The following SLC38A6 variants were observed in gnomAD, a reference collection of about 807,000 sequenced individuals.
SLC38A6 encodes N system amino acid transporter NAT-1.
A neutral mutation model predicts 65.0 loss-of-function variants in SLC38A6; 73 were observed. The observed-to-expected ratio is 1.12, with a 90% CI of 0.93 to 1.37. The LOEUF is 1.37. Among genes scored for constraint, SLC38A6 ranks in the 40% most tolerant of loss-of-function variants. The pLI, the probability that SLC38A6 is intolerant of heterozygous loss-of-function variation, is 0.00. For missense variants in SLC38A6, 561 were observed against 531.1 expected (o/e 1.06, Z -0.55); for synonymous variants, 183 against 178.8 (o/e 1.02, Z -0.19).
rs1376966931 is a variant in SLC38A6, at chr14:61,029,921, CA to C, written c.404-523del. ...CCTATAATTATATGTGTTCATAATG[CA>C]GGGGTGGGTAGTAGAGAGAGGAAAA... On this transcript the variant is annotated intron_variant, in intron 5 of 15. Transcript: ENST00000267488. 2.6e-5 allele frequency among the ~76,000 whole-genome samples: 4 copies of C among 151,936 alleles called. No individual in the cohort carries two copies. In the East Asian group the frequency reaches 5.8e-4, roughly 22 times the overall value.
chr14:61,002,157 C>T (rs2038754806), intron 3 of SLC38A6: 1 of 152,146 alleles, frequency 6.6e-6, no homozygotes, highest in African/African-American at 2.4e-5. Flanking sequence ...ATCCTCTGTG[C>T]CATGAGAAAG....
intron 12 of SLC38A6, 149 bp from the exon 13 acceptor site, chr14:61,050,363 G>A: frequency 2.3e-6 from 1 of 431,612 alleles, no homozygotes; most frequent in Non-Finnish European, 3.9e-6. Context: ...TTTAATTAAT[G>A]TCTCTGTGTT....
rs968742030 is a variant in SLC38A6, at chr14:61,081,698, C to G, written c.1409-1857C>G. On this transcript the variant is annotated intron_variant, in intron 16 of 16. Coordinates refer to the SLC38A6 transcript ENST00000354886. ...GACTCTGTCTCAAAAAAAAATTTCTCTCCTGAATCCCTAAGTACTTTTGTT... is the reference window on the plus strand; with the variant it reads ...GACTCTGTCTCAAAAAAAAATTTCTGTCCTGAATCCCTAAGTACTTTTGTT... Among the ~76,000 whole-genome samples, 5 of 152,118 alleles carry G rather than the reference C, an allele frequency of 3.3e-5. 1 individual carries two copies. The highest frequency in any genetic ancestry group is 5.9e-5 in the Non-Finnish European group (4 of 68,016).
intron 3 of SLC38A6, among the ~76,000 whole-genome samples, chr14:60,990,273 C>T (rs2037764525): frequency 6.6e-6 from 1 of 152,162 alleles, no homozygotes; most frequent in African/African-American, 2.4e-5. Flanking sequence ...TCAAGTGATC[C>T]ACCCACCTTG....
At chr14:61,006,481 G>A (rs934893828) in intron 3 of SLC38A6, among the ~76,000 whole-genome samples, 77 of 151,870 alleles carry the variant, frequency 5.1e-4, no homozygotes, top group Admixed American at 1.6e-3. Context: ...CAAATTTACA[G>A]GAAAAAAACA....
At chr14:61,051,708 T>G (rs2042515228) in intron 13 of SLC38A6, 79 bp from the exon 14 acceptor site, 10 of 1,513,660 alleles carry the variant, frequency 6.6e-6, no homozygotes, top group Non-Finnish European at 8.1e-6. Context: ...ATATCATGGT[T>G]GTTGTATATG....
In SLC38A6 at chr14:60,981,651, A is replaced by G. The variant is rs1198564201; in HGVS notation, c.105+269A>G. 10 of 1,434,570 alleles carry G rather than the reference A, an allele frequency of 7.0e-6. No individual in the cohort carries two copies. In the African/African-American group the frequency reaches 9.9e-5, roughly 14 times the overall value. The allele number at this position is 1,434,570 out of a possible 1,614,324, so 88.9% of individuals were successfully genotyped here. On this transcript the variant is annotated intron_variant, in intron 1 of 15. Coordinates refer to ENST00000267488, the MANE Select transcript of SLC38A6 (RefSeq NM_153811.3). Reference sequence around the variant, plus strand: ...GCGTTGAGTGGAAGCTGCGAACATGATGGGATGAGCGGCCCTAGGATTATG... The same window carrying G: ...GCGTTGAGTGGAAGCTGCGAACATGGTGGGATGAGCGGCCCTAGGATTATG...
intron 5 of SLC38A6, among the ~76,000 whole-genome samples, chr14:61,027,024 A>G (rs1165214948): frequency 2.0e-5 from 3 of 152,084 alleles, no homozygotes; most frequent in Non-Finnish European, 4.4e-5. Context: ...AGATATTAAC[A>G]CCTTGCAACT....
rs567144831 is a variant in SLC38A6, at chr14:61,077,099, A to G, written c.1291-1711A>G. 1.3e-3 allele frequency among the ~76,000 whole-genome samples: 204 copies of G among 152,324 alleles called. 1 individual carries two copies. Among genetic ancestry groups the G allele is most frequent in the Non-Finnish European group, 2.2e-3 (153 of 68,022 alleles). On this transcript the variant is annotated intron_variant, in intron 15 of 16. Coordinates refer to the SLC38A6 transcript ENST00000354886. ...AGATTGCAGACTTTTTATTTTATAA[A>G]TTGATTAAGGATATTAAACTTGCCA...
chr14:61,053,693 G>A (rs2042610055), downstream of SLC38A6, among the ~76,000 whole-genome samples: 1 of 152,130 alleles, frequency 6.6e-6, no homozygotes, highest in Non-Finnish European at 1.5e-5. Context: ...GTCTTCTTTT[G>A]AGAAGTGTCT....
At chr14:61,044,453 AATT>A (rs1418731532) in intron 10 of SLC38A6, among the ~76,000 whole-genome samples, 4 of 152,194 alleles carry the variant, frequency 2.6e-5, no homozygotes, top group Non-Finnish European at 5.9e-5. Context: ...AGAATTTGTG[AATT>A]AAACTCTCAT....
exon 16 of SLC38A6, chr14:61,078,868 T>C (rs1161650647): frequency 9.7e-6 from 2 of 205,814 alleles, no homozygotes; most frequent in Non-Finnish European, 2.0e-5. Flanking sequence ...CATTGCAACC[T>C]CTGCCTCCCG....
At chr14:61,021,535 G>T (rs187203724) in intron 5 of SLC38A6, among the ~76,000 whole-genome samples, 1 of 152,280 alleles carries the variant, frequency 6.6e-6, no homozygotes, top group African/African-American at 2.4e-5. Flanking sequence ...AAACAGAGCT[G>T]GTTGGTCAGT....
chr14:60,985,415 C>G lies in SLC38A6; in HGVS notation c.310+612C>G, dbSNP rs115046047. Among the ~76,000 whole-genome samples the G allele has an allele frequency of 4.8e-3, 730 of 152,248 alleles. 2 individuals are homozygous for G. The highest frequency in any genetic ancestry group is 0.014 in the Middle Eastern group (4 of 294). On this transcript the variant is annotated intron_variant, in intron 3 of 15. Transcript: ENST00000267488. ...TGTATTGAATAAGTTCTTTTAGGAT[C>G]CAGTAAATAAAAGTATATGAATTAT...
chr14:61,027,242 T>C lies in SLC38A6; in HGVS notation c.404-3203T>C, dbSNP rs531242955. On this transcript the variant is annotated intron_variant, in intron 5 of 15. Transcript: ENST00000267488. Reference sequence around the variant, plus strand: ...ACCTATTTAGTTAATGTGCTAAAACTAAGTGATTTATAATGGCTGAATACC... The same window carrying C: ...ACCTATTTAGTTAATGTGCTAAAACCAAGTGATTTATAATGGCTGAATACC... 2.6e-5 allele frequency among the ~76,000 whole-genome samples: 4 copies of C among 152,282 alleles called. No individual in the cohort carries two copies. The South Asian group carries it at 8.3e-4, about 32-fold the overall frequency.
At chr14:60,981,516 T>C in intron 1 of SLC38A6, 134 bp downstream of exon 1, 1 of 1,533,686 alleles carries the variant, frequency 6.5e-7, no homozygotes, top group African/African-American at 1.4e-5. Context: ...GGGGATGGGG[T>C]CTGAAGGCAG....
At chr14:61,014,990 A>C (rs1256632390) in intron 3 of SLC38A6, among the ~76,000 whole-genome samples, 1 of 152,202 alleles carries the variant, frequency 6.6e-6, no homozygotes, top group Non-Finnish European at 1.5e-5. Flanking sequence ...GGTGGAGTCT[A>C]CAGAGGCACG....
intron 6 of SLC38A6, among the ~76,000 whole-genome samples, chr14:61,034,574 C>T (rs1488167919): frequency 6.6e-6 from 1 of 152,136 alleles, no homozygotes; most frequent in Non-Finnish European, 1.5e-5. Flanking sequence ...ACATAGAGCC[C>T]TGGGCCTTTT....
chr14:61,075,294 A>T (rs1317160012), intron 15 of SLC38A6, among the ~76,000 whole-genome samples: 2 of 152,084 alleles, frequency 1.3e-5, no homozygotes, highest in African/African-American at 4.8e-5. Context: ...GTGCATGTAA[A>T]CCCTTCTTTA....
Sources: gnomAD v4.1 joint callset for allele counts (sites outside exome capture counted in the v4.1 genomes callset) on GRCh38, gnomAD v4.1.1 for gene constraint, MANE v1.5 for transcripts, NCBI Gene and HGNC (gene_info 2026-07-23, HGNC 2026-07-21) for gene names.